The following PICALM variants were observed in gnomAD, a reference collection of about 807,000 sequenced individuals.
The protein encoded by PICALM is phosphatidylinositol-binding clathrin assembly protein.
In PICALM, 40 loss-of-function variants were observed where a neutral mutation model predicts 80.5. The observed-to-expected ratio is 0.50, with a 90% CI of 0.39 to 0.65. The LOEUF is 0.65. Ranked by LOEUF, PICALM falls within the 30% of genes least tolerant of loss-of-function variation. The probability of loss-of-function intolerance (pLI) is 0.00; values close to 1 mark genes in which losing one functional copy is unlikely to be tolerated. For missense variants in PICALM, 676 were observed against 778.9 expected (o/e 0.87, Z 1.57); for synonymous variants, 288 against 260.3 (o/e 1.11, Z -1.02).
intron 1 of PICALM, among the ~76,000 whole-genome samples, chr11:86,060,795 G>C (rs905896751): frequency 6.7e-6 from 1 of 150,074 alleles, no homozygotes; most frequent in East Asian, 1.9e-4. Flanking sequence ...AACTCAAAAT[G>C]GATCACAGAC....
chr11:85,976,418 T>C lies in PICALM; in HGVS notation c.1839+205A>G, dbSNP rs535567481. Among the ~76,000 whole-genome samples the C allele has an allele frequency of 4.6e-5, 7 of 152,320 alleles. No individual in the cohort carries two copies. In the South Asian group the frequency reaches 6.2e-4, roughly 14 times the overall value. On this transcript the variant is annotated intron_variant, in intron 18 of 19. Coordinates refer to ENST00000393346, the MANE Select transcript of PICALM (RefSeq NM_007166.4). ...ACGAGGAGAAAAATAAACCAAGTAA[T>C]ACTATGAACATTAATGCATAAGATC...
intron 19 of PICALM, among the ~76,000 whole-genome samples, chr11:85,965,802 A>ATTTTTTTTTTTTT (rs1202220050): frequency 1.9e-5 from 2 of 105,758 alleles, no homozygotes; most frequent in African/African-American, 7.3e-5. Context: ...TGCATTACCC[A>ATTTTTTTTTTTTT]TTTTGTTTTT....
In PICALM at chr11:85,958,945, T is replaced by C; in HGVS notation, c.*101A>G. On this transcript the variant is annotated 3_prime_UTR_variant, in exon 20 of 20. Coordinates refer to ENST00000393346, the MANE Select transcript of PICALM (RefSeq NM_007166.4). ...TAGCATTCTAATGGAAGAAGAGAGT[T>C]TAAGAGATTTAAGAGACAGCAGTTT... 2.5e-6 allele frequency: 2 copies of C among 793,838 alleles called. No homozygotes were observed. The highest frequency in any genetic ancestry group is 4.2e-6 in the Non-Finnish European group (2 of 480,122). 49.2% of individuals were successfully genotyped at this position (793,838 alleles called of 1,614,324 possible).
chr11:86,051,429 G>A (rs1418052114), intron 1 of PICALM, among the ~76,000 whole-genome samples: 2 of 152,140 alleles, frequency 1.3e-5, no homozygotes, highest in African/African-American at 4.8e-5. Context: ...GGGAGATGGA[G>A]GTGGGCGGAT....
chr11:86,020,414 AC>A (rs1238872518), intron 4 of PICALM, among the ~76,000 whole-genome samples: 4 of 145,232 alleles, frequency 2.8e-5, no homozygotes, highest in Non-Finnish European at 6.0e-5. Flanking sequence ...AACAGCTAAA[AC>A]AATCTTGGGA....
intron 4 of PICALM, among the ~76,000 whole-genome samples, chr11:86,016,662 A>G (rs1019968338): frequency 1.3e-5 from 2 of 152,176 alleles, no homozygotes; most frequent in East Asian, 3.8e-4. Flanking sequence ...GGTAAAGAAA[A>G]CAGCACAACT....
chr11:85,999,242 G>C (rs1021756181), intron 11 of PICALM, among the ~76,000 whole-genome samples: 1 of 152,168 alleles, frequency 6.6e-6, no homozygotes, highest in African/African-American at 2.4e-5. Flanking sequence ...ATGTACAATA[G>C]TTGTGTAGAT....
chr11:85,965,815 G>GTTTTTTT (rs914561533), intron 19 of PICALM, among the ~76,000 whole-genome samples: 23 of 108,150 alleles, frequency 2.1e-4, no homozygotes, highest in East Asian at 1.2e-3. Context: ...TTGTTTTTTT[G>GTTTTTTT]TTTTTTTTTT....
rs200796424 is a variant in PICALM at position 86,003,352 on chromosome 11, A to G, written c.893+14T>C. ...AAATCACTCTGGCTTTTTGGCCTAC[A>G]AAGAATGATATACCTGCTTGCAGCT... On this transcript the variant is annotated intron_variant, in intron 9 of 19. Transcript: ENST00000393346. The G allele has an allele frequency of 2.3e-4, 354 of 1,528,098 alleles. No homozygotes were observed. In the African/African-American group the frequency reaches 3.5e-3, roughly 15 times the overall value. The allele number at this position is 1,528,098 out of a possible 1,614,324, so 94.7% of individuals were successfully genotyped here.
chr11:86,003,406 A>C lies in PICALM; in HGVS notation c.853T>G (p.Leu285Val). 1 of 1,599,686 alleles carries C rather than the reference A, an allele frequency of 6.3e-7. No individual in the cohort carries two copies. The highest frequency in any genetic ancestry group is 8.6e-7 in the Non-Finnish European group (1 of 1,169,406). Residue 285 changes from leucine to valine, a missense_variant, in exon 9 of 20, where the codon TTG becomes GTG. Transcript: ENST00000393346. ...GAATCTTTGATTTTCTTTCCTTCCA[A>C]GGAAGCTAAATGTTGTTCCAAAGCA... ...LDALEQHLAS[L>V]EGKKIKDSTA... is the part of the protein sequence containing the mutation.
intron 8 of PICALM, among the ~76,000 whole-genome samples, chr11:86,007,096 A>C (rs2095294226): frequency 6.6e-6 from 1 of 152,084 alleles, no homozygotes; most frequent in South Asian, 2.1e-4. Context: ...CTACTCTCTT[A>C]ATCTTATGTT....
At chr11:85,986,082 T>C (rs1366478145) in intron 13 of PICALM, among the ~76,000 whole-genome samples, 1 of 151,998 alleles carries the variant, frequency 6.6e-6, no homozygotes, top group East Asian at 1.9e-4. Context: ...ACCCAGAACT[T>C]GTATCTCAAG....
At chr11:85,974,446 T>A (rs910229850) in intron 19 of PICALM, 1 of 583,040 alleles carries the variant, frequency 1.7e-6, no homozygotes, top group African/African-American at 1.8e-5. Context: ...CTCCTTAATC[T>A]CAGAAAAATC....
chr11:85,981,904 T>A lies in PICALM; in HGVS notation c.1616A>T (p.Asp539Val). The A allele has an allele frequency of 2.5e-6, 4 of 1,613,732 alleles. No individual in the cohort carries two copies. The highest frequency in any genetic ancestry group is 3.4e-6 in the Non-Finnish European group (4 of 1,179,606). The change falls in exon 15 of 20, where the codon GAC becomes GTC. Residue 539 changes from aspartate (D) to valine (V), a missense_variant. Coordinates refer to ENST00000393346, the MANE Select transcript of PICALM (RefSeq NM_007166.4). ...AAGGTTGGCTAAAGATGAATCCAAGTCATCAGATACTAACTTGCTAGGTGG... is the reference window on the plus strand; with the variant it reads ...AAGGTTGGCTAAAGATGAATCCAAGACATCAGATACTAACTTGCTAGGTGG... ...KLPPSKLVSD[D>V]LDSSLANLVG...
chr11:86,047,650 C>A (rs922435573), intron 1 of PICALM, among the ~76,000 whole-genome samples: 6 of 152,118 alleles, frequency 3.9e-5, no homozygotes, highest in African/African-American at 1.4e-4. Flanking sequence ...AAGGGGTAAA[C>A]TACGTTAAAA....
chr11:86,041,460 G>A (rs944444855), intron 1 of PICALM, among the ~76,000 whole-genome samples: 2 of 152,062 alleles, frequency 1.3e-5, no homozygotes, highest in Non-Finnish European at 2.9e-5. Flanking sequence ...TTTTTAAAAG[G>A]CATTTTCCTG....
chr11:86,039,024 T>C (rs2095897836), intron 1 of PICALM, among the ~76,000 whole-genome samples: 1 of 151,030 alleles, frequency 6.6e-6, no homozygotes, highest in South Asian at 2.1e-4. Flanking sequence ...GGCAGGAGAA[T>C]AACTTGAATC....
chr11:86,033,731 G>A (rs2095798311), intron 1 of PICALM, among the ~76,000 whole-genome samples: 1 of 151,972 alleles, frequency 6.6e-6, no homozygotes, highest in African/African-American at 2.4e-5. Context: ...ATGTGGGCAG[G>A]GCTTTTTTGT....
At chr11:86,022,793 AAT>A in intron 3 of PICALM, among the ~76,000 whole-genome samples, 1 of 112,206 alleles carries the variant, frequency 8.9e-6, no homozygotes, top group Non-Finnish European at 1.9e-5. Flanking sequence ...ACAACTTGAT[AAT>A]CTCACAACTC....
Sources: gnomAD v4.1 joint callset for allele counts (sites outside exome capture counted in the v4.1 genomes callset) on GRCh38, gnomAD v4.1.1 for gene constraint, MANE v1.5 for transcripts, NCBI Gene and HGNC (gene_info 2026-07-23, HGNC 2026-07-21) for gene names.